Variants in CCDC88C observed in about 807,000 individuals in gnomAD.
CCDC88C encodes protein Daple.
A neutral mutation model predicts 198.8 loss-of-function variants in CCDC88C; 131 were observed. The ratio of observed to expected loss-of-function variants is 0.66; its 90% CI spans 0.57 to 0.76. CCDC88C has a LOEUF of 0.76. Ranked by LOEUF, CCDC88C falls within the 30% of genes least tolerant of loss-of-function variation. The probability of loss-of-function intolerance (pLI) is 0.00; values close to 1 mark genes in which losing one functional copy is unlikely to be tolerated. For missense variants in CCDC88C, 2,553 were observed against 2,631.6 expected (o/e 0.97, Z 0.65); for synonymous variants, 1,166 against 1,114.7 (o/e 1.05, Z -0.92).
intron 3 of CCDC88C, among the ~76,000 whole-genome samples, chr14:91,380,146 C>T (rs886999779): frequency 6.6e-6 from 1 of 152,168 alleles, no homozygotes; most frequent in Non-Finnish European, 1.5e-5. Flanking sequence ...TATGTTCAAT[C>T]AATATTTGTC....
In CCDC88C at chr14:91,343,661, G is replaced by A; in HGVS notation, c.341-4C>T. 2 of 1,613,362 alleles carry A rather than the reference G, an allele frequency of 1.2e-6. No individual in the cohort carries two copies. The highest frequency in any genetic ancestry group is 3.3e-4 in the Middle Eastern group (2 of 6,060). ...TTGATTTCCTCCATGCTCTTCCCTA[G>A]ATCAAGAGAGCAACACATTTAACTC... On this transcript the variant is annotated splice_region_variant and splice_polypyrimidine_tract_variant and intron_variant, in intron 4 of 29. Transcript: ENST00000389857.
rs749610494 is a variant in CCDC88C, at chr14:91,313,402, G to A, written c.2414C>T (p.Ala805Val). Residue 805 changes from alanine (A) to valine (V), a missense_variant, in exon 15 of 30, where the codon GCC (alanine) becomes GTC (valine). Physicochemically the swap from Ala to Val is moderately conservative, Grantham distance 64. This residue lies in a region of CCDC88C where 1,260 missense variants were observed against 1,412.0 expected (regional missense o/e 0.89). Transcript: ENST00000389857. This position sits in a 1 kb window ranked among gnomAD's most constrained non-coding sequence, Gnocchi z 5.2. ...ERQALRRDLEALRLANAQLEG... is the reference protein window; with the variant it reads ...ERQALRRDLEVLRLANAQLEG... ...CAACTGTGCATTGGCCAGCCGGAGGGCCTCCAGGTCCCGCCGCAGCGCCTG... is the reference window on the plus strand; with the variant it reads ...CAACTGTGCATTGGCCAGCCGGAGGACCTCCAGGTCCCGCCGCAGCGCCTG... 9.3e-6 allele frequency: 15 copies of A among 1,607,940 alleles called. No individual in the cohort carries two copies. In the African/African-American group the frequency reaches 1.5e-4, roughly 16 times the overall value.
At position 91,325,802 on chromosome 14, in the gene CCDC88C, C is replaced by A. The variant is rs897969813; in HGVS notation, c.1197+108G>T. ...TTGCCAGGGTTAGAACTCCTGCGCT[C>A]AAGGGATCCTCCCACCTTAGCCTCC... On this transcript the variant is annotated intron_variant, in intron 11 of 29. Coordinates refer to ENST00000389857, the MANE Select transcript of CCDC88C (RefSeq NM_001080414.4). The surrounding 1 kb of genome is among the most constrained non-coding windows in gnomAD (Gnocchi z 4.1). 5 of 1,149,220 alleles carry A rather than the reference C, an allele frequency of 4.4e-6. No homozygotes were observed. Among genetic ancestry groups the A allele is most frequent in the Non-Finnish European group, 6.1e-6 (5 of 820,470 alleles). The allele number at this position is 1,149,220 out of a possible 1,614,324, so 71.2% of individuals were successfully genotyped here.
chr14:91,294,452 G>A, intron 22 of CCDC88C, 134 bp from the exon 23 acceptor site: 1 of 1,038,026 alleles, frequency 9.6e-7, no homozygotes, highest in Non-Finnish European at 1.4e-6. Context: ...GTGGAAACTT[G>A]GAAAGGGCCA....
At chr14:91,290,970 T>C (rs1334747328) in intron 24 of CCDC88C, 25 bp downstream of exon 24, 2 of 1,388,502 alleles carry the variant, frequency 1.4e-6, no homozygotes, top group Non-Finnish European at 2.0e-6. Context: ...TCTGTCTTTA[T>C]GCCACTACAC....
At chr14:91,303,644 C>T in intron 20 of CCDC88C, 57 bp downstream of exon 20, 1 of 1,485,512 alleles carries the variant, frequency 6.7e-7, no homozygotes, top group Middle Eastern at 1.8e-4. Context: ...CCCCTGGGCC[C>T]AGCCTCTCCT....
intron 20 of CCDC88C, 82 bp from the exon 21 acceptor site, chr14:91,300,152 G>A: frequency 6.6e-7 from 1 of 1,523,220 alleles, no homozygotes; most frequent in Admixed American, 2.0e-5. Context: ...GGATCTGCGT[G>A]CCTCCCGTGA....
chr14:91,405,318 A>G (rs1886423806), intron 3 of CCDC88C, among the ~76,000 whole-genome samples: 1 of 152,168 alleles, frequency 6.6e-6, no homozygotes, highest in South Asian at 2.1e-4. Flanking sequence ...CAGAGCCAGA[A>G]TGCGCGACCT....
chr14:91,314,195 C>G, intron 14 of CCDC88C, 45 bp from the exon 15 acceptor site: 3 of 1,486,686 alleles, frequency 2.0e-6, no homozygotes, highest in Non-Finnish European at 2.7e-6. Flanking sequence ...CTGCAGGAAC[C>G]TATTTCAGTG....
intron 4 of CCDC88C, among the ~76,000 whole-genome samples, chr14:91,353,236 A>C (rs534224832): frequency 1.3e-5 from 2 of 151,948 alleles, no homozygotes; most frequent in African/African-American, 4.8e-5. Flanking sequence ...CACTCCCCTG[A>C]GCTCGTTCCA....
chr14:91,327,704 G>A (rs1033195607), intron 10 of CCDC88C, among the ~76,000 whole-genome samples: 3 of 152,172 alleles, frequency 2.0e-5, no homozygotes, highest in African/African-American at 7.2e-5. Context: ...AGAGCACAAT[G>A]ACGGGCTTCA....
At chr14:91,414,935 A>T (rs1188306610) in intron 2 of CCDC88C, among the ~76,000 whole-genome samples, 2 of 152,186 alleles carry the variant, frequency 1.3e-5, no homozygotes, top group Non-Finnish European at 2.9e-5. Flanking sequence ...GGCGTTTCTC[A>T]AAGGAACGGT....
chr14:91,350,888 CG>C (rs1281323233), intron 4 of CCDC88C, among the ~76,000 whole-genome samples: 1 of 152,224 alleles, frequency 6.6e-6, no homozygotes, highest in Admixed American at 6.5e-5. Flanking sequence ...CCCCCGAGGA[CG>C]GCATGATGAC....
intron 3 of CCDC88C, among the ~76,000 whole-genome samples, chr14:91,363,482 C>T (rs1894398687): frequency 6.6e-6 from 1 of 151,844 alleles, no homozygotes; most frequent in African/African-American, 2.4e-5. Flanking sequence ...AATTCAGATG[C>T]TAAATTTTCA....
In CCDC88C at chr14:91,313,061, G is replaced by T; in HGVS notation, c.2736+19C>A. ...ACCATCTGCCAATCCCCTTACAGGC[G>T]CCGCCTGTGTTTGCTCACCTCCCTC... On this transcript the variant is annotated intron_variant, in intron 15 of 29. Transcript: ENST00000389857. This position sits in a 1 kb window ranked among gnomAD's most constrained non-coding sequence, Gnocchi z 5.2. 1.3e-6 allele frequency: 2 copies of T among 1,549,632 alleles called. No individual in the cohort carries two copies.
chr14:91,363,280 C>CTTTTTTTT (rs1006691437), intron 3 of CCDC88C, among the ~76,000 whole-genome samples: 6,918 of 145,664 alleles, frequency 0.047, 601 homozygotes, highest in African/African-American at 0.17. Context: ...TATTATTTTA[C>CTTTTTTTT]TTTTTTTTTT....
intron 4 of CCDC88C, among the ~76,000 whole-genome samples, chr14:91,347,326 C>T (rs148115535): frequency 8.4e-4 from 128 of 152,286 alleles, no homozygotes; most frequent in African/African-American, 3.0e-3. Flanking sequence ...TCCATTTCCC[C>T]AGCCCAAAGC....
chr14:91,398,985 T>A (rs1014720819), intron 3 of CCDC88C, among the ~76,000 whole-genome samples: 2 of 152,196 alleles, frequency 1.3e-5, no homozygotes, highest in African/African-American at 4.8e-5. Flanking sequence ...CGGGCAGCCC[T>A]GTGTGCTGGT....
chr14:91,291,135 A>G, intron 23 of CCDC88C, 51 bp from the exon 24 acceptor site: 1 of 1,103,162 alleles, frequency 9.1e-7, no homozygotes, highest in Non-Finnish European at 1.4e-6. Flanking sequence ...AAATCAAACA[A>G]GTGAATTTAC....
Sources: allele counts gnomAD v4.1 joint callset (sites outside exome capture counted in the v4.1 genomes callset), GRCh38; gene constraint gnomAD v4.1.1; regional missense constraint gnomAD v4.1.1; non-coding constraint Gnocchi (gnomAD v3.1); transcripts MANE v1.5; gene names NCBI Gene and HGNC (gene_info 2026-07-23, HGNC 2026-07-21).